SDHA: variants seen among roughly 807,000 people sequenced by gnomAD.
The protein encoded by SDHA is succinate dehydrogenase [ubiquinone] flavoprotein subunit, mitochondrial.
In SDHA, 48 loss-of-function variants were observed where a neutral mutation model predicts 78.4. The ratio of observed to expected loss-of-function variants is 0.61; its 90% CI spans 0.49 to 0.78. The LOEUF (loss-of-function observed/expected upper bound fraction) is 0.78, where lower values mean the gene tolerates loss of function less well. Ranked by LOEUF, SDHA falls within the 30% of genes least tolerant of loss-of-function variation. The pLI, the probability that SDHA is intolerant of heterozygous loss-of-function variation, is 0.00. For missense variants in SDHA, 680 were observed against 892.7 expected, an observed-to-expected ratio of 0.76 and a Z score of 3.04; for synonymous variants, 326 against 353.9, an observed-to-expected ratio of 0.92 and a Z score of 0.88.
chr5:244,566 C>T (rs1736335957), intron 11 of SDHA, among the ~76,000 whole-genome samples: 1 of 152,074 alleles, frequency 6.6e-6, no homozygotes, highest in South Asian at 2.1e-4. Context: ...TGATAAACGT[C>T]CTACCTGTGA....
chr5:256,001 C>G (rs1157113985), intron 14 of SDHA, among the ~76,000 whole-genome samples: 1 of 152,220 alleles, frequency 6.6e-6, no homozygotes, highest in Non-Finnish European at 1.5e-5. Flanking sequence ...GAAGATCTGA[C>G]TCCATAGCAC....
chr5:267,117 C>G, the SDHA span, among the ~76,000 whole-genome samples: 1 of 152,194 alleles, frequency 6.6e-6, no homozygotes, highest in Admixed American at 6.5e-5. Context: ...AGTGAAAAGC[C>G]TGTGTTAAAA....
At chr5:245,528 A>G (rs773169045) in intron 11 of SDHA, among the ~76,000 whole-genome samples, 1 of 152,206 alleles carries the variant, frequency 6.6e-6, no homozygotes, top group African/African-American at 2.4e-5. Context: ...ACATTTTCAC[A>G]GTGTTACATT....
At chr5:268,188 CT>C in the SDHA span, among the ~76,000 whole-genome samples, 35,282 of 144,870 alleles carry the variant, frequency 0.24, 6,191 homozygotes, top group African/African-American at 0.52. Flanking sequence ...TTTTTTCTTT[CT>C]TTTTTTTTTT....
At position 251,335 on chromosome 5, in the gene SDHA, C is replaced by G; in HGVS notation, c.1664-3C>G. On this transcript the variant is annotated splice_region_variant and splice_polypyrimidine_tract_variant and intron_variant, in intron 12 of 14. Coordinates refer to ENST00000264932, the MANE Select transcript of SDHA (RefSeq NM_004168.4). ...CCCCTGATGGAACTTTTTGTGTCCC[C>G]AGGAATGGTCTGGAACACGGACCTG... 1.2e-6 allele frequency: 2 copies of G among 1,612,670 alleles called. No homozygotes were observed. The highest frequency in any genetic ancestry group is 1.7e-6 in the Non-Finnish European group (2 of 1,179,500).
At chr5:263,598 T>C in the SDHA span, among the ~76,000 whole-genome samples, 1 of 152,224 alleles carries the variant, frequency 6.6e-6, no homozygotes. Context: ...TTCATTATCT[T>C]CTGTGCATTA....
chr5:255,907 T>G (rs1737154366), intron 14 of SDHA, among the ~76,000 whole-genome samples: 1 of 152,240 alleles, frequency 6.6e-6, no homozygotes, highest in South Asian at 2.1e-4. Context: ...CTGAAATCCT[T>G]GGGACCAGAA....
In SDHA at chr5:222,423, C is replaced by T. The variant is rs568880542; in HGVS notation, c.64-1059C>T. On this transcript the variant is annotated intron_variant, in intron 1 of 14. Coordinates refer to ENST00000264932, the MANE Select transcript of SDHA (RefSeq NM_004168.4). ...AGTGCAGTGGCACAGTCTAGGCTCA[C>T]TGCAGCCTCTGCCTTCTGGGTTCAA... Among the ~76,000 whole-genome samples, 25 of 151,176 alleles carry T rather than the reference C, an allele frequency of 1.7e-4. 1 individual carries two copies. The East Asian group carries it at 4.7e-3, about 28-fold the overall frequency.
intron 1 of SDHA, among the ~76,000 whole-genome samples, chr5:219,671 T>C (rs1174395654): frequency 6.6e-6 from 1 of 152,086 alleles, no homozygotes; most frequent in Non-Finnish European, 1.5e-5. Flanking sequence ...TAAGAGCTGC[T>C]AGGAGGGCGT....
intron 1 of SDHA, among the ~76,000 whole-genome samples, chr5:223,141 C>A (rs1372811441): frequency 6.6e-6 from 1 of 152,196 alleles, no homozygotes; most frequent in African/African-American, 2.4e-5. Context: ...ACACGTCTTT[C>A]CCCTTCTCCA....
At chr5:251,636 C>T in intron 13 of SDHA, 168 bp downstream of exon 13, 1 of 1,532,836 alleles carries the variant, frequency 6.5e-7, no homozygotes, top group Non-Finnish European at 8.8e-7. Context: ...TCGCCATCTT[C>T]TGGATCACTG....
chr5:248,177 C>T (rs925257378), intron 11 of SDHA, among the ~76,000 whole-genome samples: 9 of 152,270 alleles, frequency 5.9e-5, no homozygotes, highest in Middle Eastern at 3.4e-3. Context: ...TTCTCCAGGA[C>T]GGAACCATCA....
At chr5:265,807 C>T in the SDHA span, among the ~76,000 whole-genome samples, 35,535 of 149,324 alleles carry the variant, frequency 0.24, 6,656 homozygotes, top group African/African-American at 0.52. Flanking sequence ...GCAACAAGAG[C>T]GAGATTCTGT....
At chr5:230,783 G>A (rs1234701736) in intron 6 of SDHA, 93 bp from the exon 7 acceptor site, 55 of 1,557,476 alleles carry the variant, frequency 3.5e-5, no homozygotes, top group Non-Finnish European at 4.8e-5. Flanking sequence ...AGAAGACGGT[G>A]CTGGGGGCTG....
In SDHA at chr5:225,409, G is replaced by A. The variant is rs1579383848; in HGVS notation, c.313-10G>A. ...GTTTGTGGCTTGTAAGGAGTGGTTG[G>A]TGTTTCCAGGGAGGAATCAATGCTG... On this transcript the variant is annotated splice_polypyrimidine_tract_variant and intron_variant, in intron 3 of 14. Transcript: ENST00000264932. 4 of 1,612,284 alleles carry A rather than the reference G, an allele frequency of 2.5e-6. No individual in the cohort carries two copies. The highest frequency in any genetic ancestry group is 2.5e-6 in the Non-Finnish European group (3 of 1,179,858).
rs182761338 is a variant in SDHA, at chr5:237,138, A to T, written c.1432+539A>T. Among the ~76,000 whole-genome samples the T allele has an allele frequency of 1.1e-4, 15 of 134,692 alleles. 4 individuals are homozygous for T. Among genetic ancestry groups the T allele is most frequent in the Admixed American group, 8.6e-4 (12 of 13,998 alleles). 88.4% of individuals were successfully genotyped at this position (134,692 alleles called of 152,430 possible). On this transcript the variant is annotated intron_variant, in intron 10 of 14. Transcript: ENST00000264932. Reference sequence around the variant, plus strand: ...CATTTTTGGGGTTACATTTTTTTTTAATTATTTTGCAGTCATTATGTTCTG... The same window carrying T: ...CATTTTTGGGGTTACATTTTTTTTTTATTATTTTGCAGTCATTATGTTCTG...
At chr5:248,833 T>G (rs1384468830) in intron 11 of SDHA, among the ~76,000 whole-genome samples, 2 of 152,160 alleles carry the variant, frequency 1.3e-5, no homozygotes, top group East Asian at 1.9e-4. Context: ...TGAACAAAAT[T>G]GTCAGATGGT....
intron 9 of SDHA, 167 bp from the exon 10 acceptor site, chr5:236,261 G>A (rs1392743065): frequency 2.9e-6 from 2 of 701,542 alleles, no homozygotes; most frequent in Non-Finnish European, 5.2e-6. Context: ...CTGACCTCAG[G>A]TGATCACCCA....
At chr5:240,792 GTCACT>G (rs1220249819) in intron 11 of SDHA, among the ~76,000 whole-genome samples, 1 of 152,120 alleles carries the variant, frequency 6.6e-6, no homozygotes, top group East Asian at 1.9e-4. Flanking sequence ...GACCTTCTGA[GTCACT>G]TCACTTAGGA....
Sources: allele counts gnomAD v4.1 joint callset (sites outside exome capture counted in the v4.1 genomes callset), GRCh38; gene constraint gnomAD v4.1.1; transcripts MANE v1.5; gene names NCBI Gene and HGNC (gene_info 2026-07-23, HGNC 2026-07-21).